KCNT1: variants seen among roughly 807,000 people sequenced by gnomAD.
KCNT1 encodes the protein potassium channel subfamily T member 1.
In KCNT1, 78 loss-of-function variants were observed where a neutral mutation model predicts 147.8. The ratio of observed to expected loss-of-function variants is 0.53; its 90% CI spans 0.44 to 0.64. The LOEUF (loss-of-function observed/expected upper bound fraction) is 0.64. Ranked by LOEUF, KCNT1 falls within the 30% of genes least tolerant of loss-of-function variation. The pLI is 0.00. For missense variants in KCNT1, 1,419 were observed against 1,750.3 expected (o/e 0.81, Z 3.38); for synonymous variants, 867 against 748.8 (o/e 1.16, Z -2.58).
chr9:135,717,072 C>T (rs1343599020), intron 2 of KCNT1, among the ~76,000 whole-genome samples: 1 of 126,358 alleles, frequency 7.9e-6, no homozygotes, highest in Non-Finnish European at 1.6e-5. Context: ...CAGGAGGGGA[C>T]CTGGCCCCTG....
At chr9:135,705,739 A>G (rs1835224630) in intron 1 of KCNT1, among the ~76,000 whole-genome samples, 2 of 152,252 alleles carry the variant, frequency 1.3e-5, no homozygotes, top group Non-Finnish European at 2.9e-5. Flanking sequence ...AACTGAGGCC[A>G]GGATGCGATT....
chr9:135,749,999 G>A, intron 2 of KCNT1, 99 bp from the exon 3 acceptor site: 1 of 914,076 alleles, frequency 1.1e-6, no homozygotes, highest in South Asian at 1.4e-5. Flanking sequence ...TCCTGCAGTT[G>A]GAAAGTTGGA....
chr9:135,727,437 C>CCTCTCTCT (rs140325657), intron 2 of KCNT1, among the ~76,000 whole-genome samples: 27 of 136,250 alleles, frequency 2.0e-4, no homozygotes, highest in African/African-American at 7.1e-4. Context: ...CCCCCCTCTC[C>CCTCTCTCT]CTCTCTCTCT....
chr9:135,742,616 G>A (rs1830623346), intron 2 of KCNT1, among the ~76,000 whole-genome samples: 1 of 148,122 alleles, frequency 6.8e-6, no homozygotes, highest in Admixed American at 6.8e-5. Flanking sequence ...GCCCCCCAGA[G>A]CCTCCCTGCG....
At chr9:135,719,257 G>T (rs894887872) in intron 2 of KCNT1, among the ~76,000 whole-genome samples, 12 of 152,242 alleles carry the variant, frequency 7.9e-5, no homozygotes, top group African/African-American at 2.7e-4. Flanking sequence ...CTGCAGAGGG[G>T]TTAACAGCCC....
intron 2 of KCNT1, among the ~76,000 whole-genome samples, chr9:135,722,867 T>A (rs1006626344): frequency 6.6e-6 from 1 of 152,038 alleles, no homozygotes; most frequent in South Asian, 2.1e-4. Context: ...CCATCAGCGG[T>A]GGGGGCTTCA....
At chr9:135,755,023 G>T in intron 5 of KCNT1, 98 bp from the exon 6 acceptor site, 1 of 1,096,884 alleles carries the variant, frequency 9.1e-7, no homozygotes, top group South Asian at 1.7e-5. Flanking sequence ...ACATGCTTGG[G>T]GCCAGTGGAG....
Position 135,759,936 on chromosome 9 carries a change from G to A in KCNT1, c.1035+77G>A, listed in dbSNP as rs1280355550. 5.7e-6 allele frequency: 8 copies of A among 1,398,098 alleles called. No homozygotes were observed. In the East Asian group the frequency reaches 1.9e-4, roughly 34 times the overall value. 86.6% of individuals were successfully genotyped at this position (1,398,098 alleles called of 1,614,324 possible). On this transcript the variant is annotated intron_variant, in intron 11 of 30. Coordinates refer to ENST00000371757, the MANE Select transcript of KCNT1 (RefSeq NM_020822.3). Reference sequence around the variant, plus strand: ...GTGCCAGTAGAGGGAGGGTGCCACTGAGGCTGTGGCACAGTGCGGGGGCCA... The same window carrying A: ...GTGCCAGTAGAGGGAGGGTGCCACTAAGGCTGTGGCACAGTGCGGGGGCCA...
intron 3 of KCNT1, among the ~76,000 whole-genome samples, 191 bp from the exon 4 acceptor site, chr9:135,750,751 C>A (rs1831109151): frequency 6.6e-6 from 1 of 152,188 alleles, no homozygotes; most frequent in Admixed American, 6.5e-5. Flanking sequence ...AGGGACAGAG[C>A]CTCTTGGAGG....
chr9:135,784,614 G>A lies in KCNT1; in HGVS notation c.3023G>A (p.Cys1008Tyr), dbSNP rs760012681. The change falls in exon 26 of 31, where the codon TGT (cysteine) becomes TAT (tyrosine). Residue 1008 changes from cysteine (C) to tyrosine (Y), a missense_variant. By Grantham distance (194) the Cys-to-Tyr change is radical. Transcript: ENST00000371757. ...ACCACGCCGGGCTCGGGGTACCTCT[G>A]TGCCGTAAGTGCCCCTGGCTGCGCT... ...LDTTPGSGYL[C>Y]AMKITEGDLW... 1 of 1,611,086 alleles carries A rather than the reference G, an allele frequency of 6.2e-7. No individual in the cohort carries two copies. Among genetic ancestry groups the A allele is most frequent in the Non-Finnish European group, 8.5e-7 (1 of 1,179,594 alleles).
chr9:135,758,229 G>C (rs1008936668), intron 9 of KCNT1, among the ~76,000 whole-genome samples, 185 bp from the exon 10 acceptor site: 1 of 146,856 alleles, frequency 6.8e-6, no homozygotes, highest in Non-Finnish European at 1.5e-5. Flanking sequence ...GTGGCCAGGT[G>C]CAGGCTGCCC....
At chr9:135,716,147 C>T (rs1420525279) in intron 2 of KCNT1, among the ~76,000 whole-genome samples, 1 of 152,188 alleles carries the variant, frequency 6.6e-6, no homozygotes, top group Non-Finnish European at 1.5e-5. Flanking sequence ...CTTTCTAAGC[C>T]AGCACCAGCC....
At chr9:135,722,351 CAT>C (rs749069436) in intron 2 of KCNT1, among the ~76,000 whole-genome samples, 7 of 152,326 alleles carry the variant, frequency 4.6e-5, no homozygotes, top group Admixed American at 2.6e-4. Flanking sequence ...CCCAGGGACT[CAT>C]GTGTGTGACA....
chr9:135,702,453 C>CCTGCAACAGAGATTCCCTGTCACACTG, intron 1 of KCNT1, 85 bp downstream of exon 1: 2 of 1,061,896 alleles, frequency 1.9e-6, no homozygotes, highest in Non-Finnish European at 2.8e-6. Context: ...CCCGCACCCT[C>CCTGCAACAGAGATTCCCTGTCACACTG]CAGGACCCGC....
chr9:135,726,328 TCCCTTCCAGGGAC>T (rs1018686687), intron 2 of KCNT1, among the ~76,000 whole-genome samples: 37 of 152,130 alleles, frequency 2.4e-4, no homozygotes, highest in African/African-American at 8.4e-4. Context: ...GGGTCTCGGA[TCCCTTCCAGGGAC>T]CTGGATGAGG....
At chr9:135,726,299 G>A (rs544879659) in intron 2 of KCNT1, among the ~76,000 whole-genome samples, 1 of 152,050 alleles carries the variant, frequency 6.6e-6, no homozygotes, top group Non-Finnish European at 1.5e-5. Flanking sequence ...CGGCCTGCAG[G>A]GCCCTCTGGG....
intron 13 of KCNT1, chr9:135,766,766 C>G (rs761443104): frequency 3.3e-5 from 5 of 152,282 alleles, no homozygotes; most frequent in Non-Finnish European, 7.3e-5. Flanking sequence ...GTGGAGCAGC[C>G]CAGGCAAGCC....
intron 1 of KCNT1, among the ~76,000 whole-genome samples, chr9:135,708,302 C>T (rs1025691093): frequency 6.6e-6 from 1 of 152,242 alleles, no homozygotes; most frequent in Non-Finnish European, 1.5e-5. Flanking sequence ...TACATACATG[C>T]ATGCAATCCC....
At chr9:135,732,049 C>T (rs185205583) in intron 2 of KCNT1, among the ~76,000 whole-genome samples, 1 of 72,676 alleles carries the variant, frequency 1.4e-5, no homozygotes, top group African/African-American at 5.8e-5. Context: ...GAGGGAGTCT[C>T]ACTCTGTCAT....
Sources: allele counts gnomAD v4.1 joint callset (sites outside exome capture counted in the v4.1 genomes callset), GRCh38; gene constraint gnomAD v4.1.1; transcripts MANE v1.5; gene names NCBI Gene and HGNC (gene_info 2026-07-23, HGNC 2026-07-21).